KCNMA1: variants seen among roughly 807,000 people sequenced by gnomAD.
KCNMA1 encodes potassium calcium-activated channel subfamily M alpha 1.
In KCNMA1, 29 loss-of-function variants were observed where a neutral mutation model predicts 140.0. That is an observed-to-expected ratio of 0.21 (90% confidence interval 0.15 to 0.28). The LOEUF is 0.28. Ranked by LOEUF, KCNMA1 falls within the 10% of genes least tolerant of loss-of-function variation. The pLI, the probability that KCNMA1 is intolerant of heterozygous loss-of-function variation, is 1.00. For missense variants in KCNMA1, 880 were observed against 1,602.2 expected, an observed-to-expected ratio of 0.55 and a Z score of 7.70; for synonymous variants, 612 against 611.9, an observed-to-expected ratio of 1.00 and a Z score of 0.00.
chr10:77,038,432 T>A (rs533660778), intron 15 of KCNMA1, among the ~76,000 whole-genome samples: 12 of 152,300 alleles, frequency 7.9e-5, no homozygotes, highest in African/African-American at 2.9e-4. Context: ...CCTTGTCAAA[T>A]CCTTTGCTAA....
At chr10:77,291,575 G>A (rs1160923130) in intron 2 of KCNMA1, among the ~76,000 whole-genome samples, 1 of 152,184 alleles carries the variant, frequency 6.6e-6, no homozygotes, top group African/African-American at 2.4e-5. Context: ...CAATAAGAAG[G>A]AGATGTATTA....
At chr10:77,171,043 C>A (rs1214634080) in intron 5 of KCNMA1, among the ~76,000 whole-genome samples, 2 of 152,148 alleles carry the variant, frequency 1.3e-5, no homozygotes, top group South Asian at 4.1e-4. Context: ...TACCAGAATC[C>A]TGGAAACTTG....
rs200763661 is a variant in KCNMA1 at position 76,887,431 on chromosome 10, G to A, written c.3546C>T (p.Ala1182=). Residue 1182 remains alanine, a synonymous_variant, in exon 28 of 28, where the codon GCC becomes GCT. Coordinates refer to ENST00000286628, the MANE Select transcript of KCNMA1 (RefSeq NM_001161352.2). ...IFCLMQFDHN[A]GQSRASLSHS... ...GGGACAGGCTGGCCCGGGACTGGCC[G>A]GCATTGTGGTCAAACTGCATTAAGC... 1.4e-5 allele frequency: 23 copies of A among 1,613,972 alleles called. No individual in the cohort carries two copies. Among genetic ancestry groups the A allele is most frequent in the African/African-American group, 5.3e-5 (4 of 74,900 alleles).
intron 2 of KCNMA1, among the ~76,000 whole-genome samples, chr10:77,285,115 T>A (rs1305258225): frequency 6.6e-6 from 1 of 152,184 alleles, no homozygotes; most frequent in Non-Finnish European, 1.5e-5. Flanking sequence ...TTAAGTAATA[T>A]CCCGATGCTC....
chr10:77,004,252 CAA>C (rs754414787), intron 18 of KCNMA1, among the ~76,000 whole-genome samples: 10 of 141,980 alleles, frequency 7.0e-5, no homozygotes, highest in South Asian at 4.6e-4. Flanking sequence ...CACACACACA[CAA>C]AATCAGCAAG....
At chr10:77,506,621 T>TGTGTGTGTG in intron 1 of KCNMA1, among the ~76,000 whole-genome samples, 1 of 54,026 alleles carries the variant, frequency 1.9e-5, no homozygotes, top group Non-Finnish European at 3.1e-5. Context: ...GTGTGTGTGT[T>TGTGTGTGTG]AGAGAGGGAG....
intron 15 of KCNMA1, among the ~76,000 whole-genome samples, chr10:77,038,653 C>T (rs888308313): frequency 1.3e-5 from 2 of 152,178 alleles, no homozygotes; most frequent in African/African-American, 4.8e-5. Context: ...AATCCTTCTA[C>T]CCCAGCCTCT....
intron 1 of KCNMA1, among the ~76,000 whole-genome samples, chr10:77,537,302 T>G (rs981539126): frequency 3.3e-5 from 5 of 152,190 alleles, no homozygotes; most frequent in African/African-American, 1.2e-4. Context: ...ATGTCATGCA[T>G]CACTGTGCCA....
chr10:76,909,656 T>C (rs1191010018), intron 25 of KCNMA1, among the ~76,000 whole-genome samples: 2 of 152,168 alleles, frequency 1.3e-5, no homozygotes, highest in African/African-American at 4.8e-5. Flanking sequence ...CTCCCCTCTT[T>C]ATGGCTCAAA....
At position 76,914,948 on chromosome 10, in the gene KCNMA1, T is replaced by C. The variant is rs1463224987; in HGVS notation, c.3004A>G (p.Ile1002Val). 8 of 1,610,586 alleles carry C rather than the reference T, an allele frequency of 5.0e-6. No individual in the cohort carries two copies. The highest frequency in any genetic ancestry group is 1.1e-5 in the South Asian group (1 of 90,992). ...CATTGACCCCTACCTAGTTCAGTGA[T>C]GATGGGGATGTTGACCCCAGTTGTG... ...SITTGVNIPI[I>V]TELVNDTNVQ... The change falls in exon 24 of 28, where the codon ATC becomes GTC. Residue 1002 changes from isoleucine to valine, a missense_variant. By Grantham distance (29) the Ile-to-Val change is conservative. Around this residue, in one of 13 missense-constraint regions of KCNMA1, gnomAD observed 44 missense variants for 58.2 expected, o/e 0.76. Coordinates refer to ENST00000286628, the MANE Select transcript of KCNMA1 (RefSeq NM_001161352.2).
At chr10:76,977,487 A>C (rs1483206585) in intron 19 of KCNMA1, 2 of 697,040 alleles carry the variant, frequency 2.9e-6, no homozygotes. Context: ...GACAAAGTTG[A>C]GGACTTGCCA....
At chr10:77,151,150 TCTTTC>T (rs1473023047) in intron 5 of KCNMA1, among the ~76,000 whole-genome samples, 7 of 151,636 alleles carry the variant, frequency 4.6e-5, no homozygotes, top group African/African-American at 1.2e-4. Context: ...CTTCTTTCTT[TCTTTC>T]TTTTCTTTTC....
At chr10:77,481,503 G>A (rs191917918) in intron 1 of KCNMA1, among the ~76,000 whole-genome samples, 20 of 151,434 alleles carry the variant, frequency 1.3e-4, no homozygotes, top group Non-Finnish European at 2.4e-4. Context: ...GGCCAGGCAC[G>A]ATGGCTCACG....
chr10:77,502,877 T>C (rs2044419994), intron 1 of KCNMA1, among the ~76,000 whole-genome samples: 2 of 152,230 alleles, frequency 1.3e-5, no homozygotes, highest in Admixed American at 6.5e-5. Flanking sequence ...ATAATAAAAC[T>C]GATAATGACA....
chr10:77,234,109 T>G (rs1254600018), intron 3 of KCNMA1, among the ~76,000 whole-genome samples: 2 of 152,212 alleles, frequency 1.3e-5, no homozygotes, highest in East Asian at 3.8e-4. Context: ...TATTGCTGGA[T>G]CTTCATAAAA....
chr10:77,301,699 C>T (rs894036875), intron 2 of KCNMA1, among the ~76,000 whole-genome samples: 7 of 151,816 alleles, frequency 4.6e-5, no homozygotes, highest in East Asian at 1.9e-4. Flanking sequence ...CTTCAATTGA[C>T]GCCCCGGAGG....
At chr10:77,052,544 A>G (rs192518398) in intron 14 of KCNMA1, among the ~76,000 whole-genome samples, 21 of 150,812 alleles carry the variant, frequency 1.4e-4, no homozygotes, top group Admixed American at 1.3e-3. Context: ...TGGCTTTGCT[A>G]CTCACTTCCA....
At chr10:77,566,410 G>C (rs1044582260) in intron 1 of KCNMA1, among the ~76,000 whole-genome samples, 5 of 152,224 alleles carry the variant, frequency 3.3e-5, no homozygotes, top group African/African-American at 1.2e-4. Flanking sequence ...TCCAATTACT[G>C]CTGGCATTTC....
chr10:77,472,995 C>T (rs779055726), intron 1 of KCNMA1, among the ~76,000 whole-genome samples: 13 of 152,182 alleles, frequency 8.5e-5, no homozygotes, highest in African/African-American at 1.2e-4. Context: ...CACTTCCCAG[C>T]GGGGCCACCC....
Sources: gnomAD v4.1 joint callset for allele counts (sites outside exome capture counted in the v4.1 genomes callset) on GRCh38, gnomAD v4.1.1 for gene constraint, gnomAD v4.1.1 regional missense constraint, MANE v1.5 for transcripts, NCBI Gene and HGNC (gene_info 2026-07-23, HGNC 2026-07-21) for gene names.